NPHP1: variants seen among roughly 807,000 people sequenced by gnomAD.
NPHP1 encodes nephrocystin 1, also known as nephrocystin-1.
In NPHP1, 70 loss-of-function variants were observed where a neutral mutation model predicts 90.4. The observed-to-expected ratio is 0.77, with a 90% CI of 0.64 to 0.95. The LOEUF is 0.95. Ranked by LOEUF, NPHP1 falls within the 40% of genes least tolerant of loss-of-function variation. The pLI, the probability that NPHP1 is intolerant of heterozygous loss-of-function variation, is 0.00. For synonymous variants in NPHP1, 256 were observed against 271.7 expected, an observed-to-expected ratio of 0.94 and a Z score of 0.57; for missense variants, 764 against 795.9, an observed-to-expected ratio of 0.96 and a Z score of 0.48.
intron 16 of NPHP1, among the ~76,000 whole-genome samples, chr2:110,135,070 C>T (rs911778721): frequency 1.3e-5 from 2 of 151,934 alleles, no homozygotes; most frequent in Admixed American, 1.3e-4. Context: ...ATGAAAAATA[C>T]CTTCAGAATA....
chr2:110,189,371 G>A (rs531024509), intron 2 of NPHP1, among the ~76,000 whole-genome samples: 2 of 152,214 alleles, frequency 1.3e-5, no homozygotes, highest in South Asian at 2.1e-4. Context: ...TGGCTCAGGA[G>A]TGAAGCTGCA....
chr2:110,195,185 G>C (rs1365405911), intron 2 of NPHP1, among the ~76,000 whole-genome samples: 4 of 152,050 alleles, frequency 2.6e-5, no homozygotes, highest in African/African-American at 9.7e-5. Context: ...AGGAAATAAA[G>C]GGTATTCAAT....
chr2:110,170,089 C>G (rs1161854740), intron 4 of NPHP1, 91 bp from the exon 5 acceptor site: 1 of 1,483,850 alleles, frequency 6.7e-7, no homozygotes, highest in Non-Finnish European at 9.3e-7. Flanking sequence ...CATGAATATC[C>G]CATATTTGGA....
intron 2 of NPHP1, among the ~76,000 whole-genome samples, chr2:110,192,994 C>T (rs1034396776): frequency 1.3e-5 from 2 of 152,114 alleles, no homozygotes. Flanking sequence ...CCTAAAAGAG[C>T]TCCTGAAGGA....
At position 110,169,838 on chromosome 2, in the gene NPHP1, TA is replaced by T. The variant is rs1391699045; in HGVS notation, c.489del (p.Phe163LeufsTer19). On this transcript the variant is annotated frameshift_variant, in exon 5 of 20. Coordinates refer to ENST00000445609, the MANE Select transcript of NPHP1 (RefSeq NM_001128178.3). LOFTEE classifies it high-confidence loss of function. ...GTAAGATCTCCAACTTGCTGAGCAGTAAAATCTCCAACAGCGATGTATTCTT... is the reference window on the plus strand; with the variant it reads ...GTAAGATCTCCAACTTGCTGAGCAGTAAATCTCCAACAGCGATGTATTCTT... ...TGEEYIAVGDFTAQQVGDLTF... is the reference protein window; with the variant it reads ...TGEEYIAVGDXTAQQVGDLTF... 6.2e-7 allele frequency: 1 copy of T among 1,613,522 alleles called. No homozygotes were observed. Among genetic ancestry groups the T allele is most frequent in the Non-Finnish European group, 8.5e-7 (1 of 1,179,648 alleles).
intron 14 of NPHP1, among the ~76,000 whole-genome samples, chr2:110,145,684 A>G (rs1014902443): frequency 6.6e-6 from 1 of 152,170 alleles, no homozygotes; most frequent in Non-Finnish European, 1.5e-5. Context: ...AAATGTGTCT[A>G]TATTAATACA....
intron 11 of NPHP1, among the ~76,000 whole-genome samples, chr2:110,150,961 T>C (rs1681423063): frequency 6.7e-6 from 1 of 150,220 alleles, no homozygotes; most frequent in African/African-American, 2.4e-5. Context: ...AATTTGGGAG[T>C]TTGAGACCAG....
intron 14 of NPHP1, among the ~76,000 whole-genome samples, chr2:110,145,945 C>T (rs1049204463): frequency 2.0e-5 from 3 of 152,144 alleles, no homozygotes; most frequent in Non-Finnish European, 2.9e-5. Context: ...CCACATAAGG[C>T]GCATTATCTA....
At chr2:110,124,287 A>G in intron 19 of NPHP1, 1 of 600,976 alleles carries the variant, frequency 1.7e-6, no homozygotes, top group South Asian at 1.9e-5. Flanking sequence ...GAGAGCCTCT[A>G]CGTGGCTCCA....
At chr2:110,193,986 T>A (rs1418976305) in intron 2 of NPHP1, among the ~76,000 whole-genome samples, 1 of 151,930 alleles carries the variant, frequency 6.6e-6, no homozygotes, top group Non-Finnish European at 1.5e-5. Context: ...CATACCAGAA[T>A]CTCTGGGACA....
In NPHP1 at chr2:110,161,675, G is replaced by T. The variant is rs369977541; in HGVS notation, c.882C>A (p.Tyr294Ter). 3.1e-6 allele frequency: 5 copies of T among 1,612,428 alleles called. No homozygotes were observed. The highest frequency in any genetic ancestry group is 4.2e-6 in the Non-Finnish European group (5 of 1,178,734). The part of the protein sequence containing the change: ...LEEGNQFRAN[Y>*]FLQPELMPSQ... The stretch of plus-strand genomic sequence containing the variant: ...AAGGCATGAGCTCTGGTTGTAAGAA[G>T]TAATTTGCTCGAAATTGATTCCCTG... Residue 294 changes from tyrosine (Y) to a stop codon, truncating the protein, a stop_gained, in exon 10 of 20, where the codon TAC becomes TAA. Coordinates refer to ENST00000445609, the MANE Select transcript of NPHP1 (RefSeq NM_001128178.3). LOFTEE classifies it high-confidence loss of function.
chr2:110,144,627 G>A lies in NPHP1; in HGVS notation c.1353-58C>T, dbSNP rs1509418. On this transcript the variant is annotated intron_variant, in intron 14 of 19. Coordinates refer to ENST00000445609, the MANE Select transcript of NPHP1 (RefSeq NM_001128178.3). ...AGCTGTGGGCATGTAGAAAACACTG[G>A]AGTCAGTAGTTAAATATTTTTTAGC... The A allele has an allele frequency of 1.9e-3, 1,869 of 976,146 alleles. 23 individuals carry two copies. The highest frequency in any genetic ancestry group is 0.018 in the African/African-American group (1,102 of 62,404). 60.5% of individuals were successfully genotyped at this position (976,146 alleles called of 1,614,324 possible).
chr2:110,124,954 T>C (rs1200393599), intron 19 of NPHP1: 1 of 378,566 alleles, frequency 2.6e-6, no homozygotes, highest in Admixed American at 4.2e-5. Context: ...TCAGGACTGG[T>C]AAAGTATGGA....
chr2:110,142,571 T>C (rs1047186847), intron 16 of NPHP1, among the ~76,000 whole-genome samples: 2 of 151,836 alleles, frequency 1.3e-5, no homozygotes, highest in African/African-American at 4.8e-5. Context: ...AGGCTGGTCT[T>C]GAACTCCTGG....
intron 2 of NPHP1, among the ~76,000 whole-genome samples, chr2:110,190,934 G>C (rs1684676325): frequency 6.6e-6 from 1 of 152,142 alleles, no homozygotes; most frequent in South Asian, 2.1e-4. Context: ...CACACATTCA[G>C]CACAGTGAAG....
intron 19 of NPHP1, chr2:110,124,543 G>T: frequency 4.4e-6 from 1 of 227,544 alleles, no homozygotes; most frequent in Non-Finnish European, 8.8e-6. Context: ...CTGGGATGGA[G>T]GTCGAGGGGT....
At chr2:110,175,239 TTGAG>T (rs972777259) in intron 4 of NPHP1, among the ~76,000 whole-genome samples, 26 of 152,256 alleles carry the variant, frequency 1.7e-4, no homozygotes, top group African/African-American at 5.5e-4. Flanking sequence ...CTTTACATAA[TTGAG>T]TGTCTTTCAA....
At chr2:110,204,821 T>G in intron 1 of NPHP1, 79 bp downstream of exon 1, 1 of 1,459,468 alleles carries the variant, frequency 6.9e-7, no homozygotes. Context: ...TTAGGTGGGG[T>G]CACGGTGGGA....
chr2:110,166,280 A>C (rs1281488750), intron 6 of NPHP1, among the ~76,000 whole-genome samples: 1 of 152,216 alleles, frequency 6.6e-6, no homozygotes, highest in Non-Finnish European at 1.5e-5. Flanking sequence ...GCAAGTGTGC[A>C]AAGATGCACG....
Sources: gnomAD v4.1 joint callset for allele counts (sites outside exome capture counted in the v4.1 genomes callset) on GRCh38, gnomAD v4.1.1 for gene constraint, MANE v1.5 for transcripts, NCBI Gene and HGNC (gene_info 2026-07-23, HGNC 2026-07-21) for gene names.